ARHGAP35: variants seen among roughly 807,000 people sequenced by gnomAD.
ARHGAP35 encodes rho GTPase-activating protein 35.
ARHGAP35 carries 15 observed loss-of-function variants against 111.1 expected under a neutral mutation model. That is an observed-to-expected ratio of 0.13 (90% CI 0.09 to 0.21). The LOEUF is 0.21. ARHGAP35 is among the 10% of genes least tolerant of loss of function. The probability of loss-of-function intolerance (pLI) is 1.00; values close to 1 mark genes in which losing one functional copy is unlikely to be tolerated. For missense variants in ARHGAP35, 1,262 were observed against 1,873.0 expected, an observed-to-expected ratio of 0.67 and a Z score of 6.02; for synonymous variants, 643 against 710.3, an observed-to-expected ratio of 0.91 and a Z score of 1.51.
At chr19:46,972,954 A>G (rs1399277028) in intron 3 of ARHGAP35, among the ~76,000 whole-genome samples, 3 of 152,226 alleles carry the variant, frequency 2.0e-5, no homozygotes, top group African/African-American at 7.2e-5. Flanking sequence ...GGAAACAGGC[A>G]GATAGTATTC....
At chr19:46,965,463 G>GT (rs869069566) in intron 3 of ARHGAP35, among the ~76,000 whole-genome samples, 2 of 131,240 alleles carry the variant, frequency 1.5e-5, no homozygotes, top group Non-Finnish European at 3.3e-5. Context: ...TTTTTCTTGG[G>GT]TTTTTTGTTT....
chr19:47,000,825 G>A lies in ARHGAP35; in HGVS notation c.*137G>A, dbSNP rs2056744031. 1 of 1,541,316 alleles carries A rather than the reference G, an allele frequency of 6.5e-7. No homozygotes were observed. The highest frequency in any genetic ancestry group is 2.0e-5 in the Admixed American group (1 of 50,970). On this transcript the variant is annotated 3_prime_UTR_variant, in exon 7 of 7. Coordinates refer to ENST00000672722, the MANE Select transcript of ARHGAP35 (RefSeq NM_004491.5). The surrounding 1 kb of genome is among the most constrained non-coding windows in gnomAD (Gnocchi z 6.9). ...CCCATTACCTTCTCAAGACCTCAGT[G>A]GGAGCACCAGCCAATGGTACCATCG...
chr19:46,861,091 G>T lies in ARHGAP35; in HGVS notation c.-307G>T, dbSNP rs1291068040. 6.6e-6 allele frequency among the ~76,000 whole-genome samples: 1 copy of T among 150,902 alleles called. No individual in the cohort carries two copies. Among genetic ancestry groups the T allele is most frequent in the Non-Finnish European group, 1.5e-5 (1 of 67,442 alleles). On this transcript the variant is annotated 5_prime_UTR_variant, in exon 1 of 7. Transcript: ENST00000672722. ...AGGGTCCGCCCGGCCCCCCGCCGCC[G>T]GAGCCGCCGCCGCCGCCTCAGCCGC... is the stretch of plus-strand genomic sequence containing the variant.
intron 1 of ARHGAP35, among the ~76,000 whole-genome samples, chr19:46,904,802 T>C (rs1269205775): frequency 6.6e-6 from 1 of 152,192 alleles, no homozygotes; most frequent in Non-Finnish European, 1.5e-5. Flanking sequence ...CCATTCTTGC[T>C]CAGAAGCCTG....
rs2056082282 is a variant in ARHGAP35, at chr19:46,901,268, T to C, written c.-188-17220T>C. Among the ~76,000 whole-genome samples the C allele has an allele frequency of 6.6e-6, 1 of 151,974 alleles. No individual in the cohort carries two copies. Among genetic ancestry groups the C allele is most frequent in the Admixed American group, 6.6e-5 (1 of 15,260 alleles). ...GGAATAAGAATTTGAGGGTTTAATA[T>C]AAGAGCAGGCCAGGCATAGTGGCTC... is the stretch of plus-strand genomic sequence containing the variant. On this transcript the variant is annotated intron_variant, in intron 1 of 6. Transcript: ENST00000672722. The surrounding 1 kb of genome is among the most constrained non-coding windows in gnomAD (Gnocchi z 4.5).
chr19:46,896,623 T>C (rs2056058081), intron 1 of ARHGAP35, among the ~76,000 whole-genome samples: 1 of 152,160 alleles, frequency 6.6e-6, no homozygotes, highest in African/African-American at 2.4e-5. Flanking sequence ...TTTGCAGCAG[T>C]GCAGTATTGG....
At position 46,989,365 on chromosome 19, in the gene ARHGAP35, C is replaced by T. The variant is rs867163924; in HGVS notation, c.3905-179C>T. On this transcript the variant is annotated intron_variant, in intron 4 of 6. Coordinates refer to ENST00000672722, the MANE Select transcript of ARHGAP35 (RefSeq NM_004491.5). The surrounding 1 kb of genome is among the most constrained non-coding windows in gnomAD (Gnocchi z 5.3). ...TCGGAAAGAGGTGCTGGGGCCAGCCCATGCCTGAACCTCAGAACTCGCGTT... is the reference window on the plus strand; with the variant it reads ...TCGGAAAGAGGTGCTGGGGCCAGCCTATGCCTGAACCTCAGAACTCGCGTT... 55 of 712,064 alleles carry T rather than the reference C, an allele frequency of 7.7e-5. No individual in the cohort carries two copies. Among genetic ancestry groups the T allele is most frequent in the African/African-American group, 2.1e-4 (12 of 55,910 alleles). The allele number at this position is 712,064 out of a possible 1,614,324, so 44.1% of individuals were successfully genotyped here.
chr19:46,908,830 G>T lies in ARHGAP35; in HGVS notation c.-188-9658G>T, dbSNP rs1303622022. On this transcript the variant is annotated intron_variant, in intron 1 of 6. Transcript: ENST00000672722. This position sits in a 1 kb window ranked among gnomAD's most constrained non-coding sequence, Gnocchi z 4.2. ...GGGCTACTTGCTGTATTTAGTGTGG[G>T]CTGCTAGGATGGTAAGGTAGCAACA... Among the ~76,000 whole-genome samples, 1 of 152,156 alleles carries T rather than the reference G, an allele frequency of 6.6e-6. No homozygotes were observed. The highest frequency in any genetic ancestry group is 2.4e-5 in the African/African-American group (1 of 41,420).
intron 1 of ARHGAP35, among the ~76,000 whole-genome samples, chr19:46,870,866 C>G (rs962691358): frequency 1.3e-5 from 2 of 152,110 alleles, no homozygotes; most frequent in African/African-American, 2.4e-5. Context: ...AAGGTATAAT[C>G]TACATGTAGA....
At chr19:46,906,320 CAG>C (rs1330800162) in intron 1 of ARHGAP35, among the ~76,000 whole-genome samples, 2 of 152,038 alleles carry the variant, frequency 1.3e-5, no homozygotes, top group African/African-American at 2.4e-5. Flanking sequence ...TAAAAATAAA[CAG>C]AAACAGATCA....
chr19:46,989,399 C>A lies in ARHGAP35; in HGVS notation c.3905-145C>A. On this transcript the variant is annotated intron_variant, in intron 4 of 6. Coordinates refer to ENST00000672722, the MANE Select transcript of ARHGAP35 (RefSeq NM_004491.5). The surrounding 1 kb of genome is among the most constrained non-coding windows in gnomAD (Gnocchi z 5.3). ...ACCTCAGAACTCGCGTTAGCGCTCA[C>A]AAGTCCCACCCCTCCAATCCTTGCC... The A allele has an allele frequency of 9.3e-7, 1 of 1,080,674 alleles. No homozygotes were observed. The highest frequency in any genetic ancestry group is 1.3e-6 in the Non-Finnish European group (1 of 767,212). The allele number at this position is 1,080,674 out of a possible 1,614,324, so 66.9% of individuals were successfully genotyped here.
chr19:46,932,116 T>C (rs1032060599), intron 2 of ARHGAP35, among the ~76,000 whole-genome samples: 3 of 152,088 alleles, frequency 2.0e-5, no homozygotes, highest in Non-Finnish European at 2.9e-5. Flanking sequence ...ATCCCGTCTT[T>C]ACTAAAAATA....
chr19:46,995,083 C>T (rs1352138480), intron 5 of ARHGAP35, among the ~76,000 whole-genome samples: 2 of 152,142 alleles, frequency 1.3e-5, no homozygotes, highest in Non-Finnish European at 2.9e-5. Flanking sequence ...GGTGCCTCCC[C>T]CAGTCCTGAG....
intron 1 of ARHGAP35, among the ~76,000 whole-genome samples, chr19:46,886,389 G>A (rs987540641): frequency 6.6e-6 from 1 of 151,864 alleles, no homozygotes; most frequent in East Asian, 1.9e-4. Flanking sequence ...CCGTAAGGGA[G>A]GTTTTTTTTT....
At chr19:46,936,069 GTGAGACCCTCA>G (rs777448976) in intron 2 of ARHGAP35, among the ~76,000 whole-genome samples, 2 of 152,126 alleles carry the variant, frequency 1.3e-5, no homozygotes, top group African/African-American at 4.8e-5. Context: ...GGGCAACATA[GTGAGACCCTCA>G]TCTCTACAGA....
chr19:46,870,468 A>G lies in ARHGAP35; in HGVS notation c.-189+9259A>G, dbSNP rs956167564. ...GTGGCGGGCGCCTGTAGTCCCAGCT[A>G]CTCAGGAGGCTGAGGTAGGAGAATG... is the stretch of plus-strand genomic sequence containing the variant. On this transcript the variant is annotated intron_variant, in intron 1 of 6. Transcript: ENST00000672722. Among the ~76,000 whole-genome samples the G allele has an allele frequency of 4.0e-5, 6 of 151,620 alleles. No homozygotes were observed. The South Asian group carries it at 1.0e-3, about 26-fold the overall frequency.
At chr19:46,916,252 A>G (rs2056163004) in intron 1 of ARHGAP35, among the ~76,000 whole-genome samples, 1 of 152,034 alleles carries the variant, frequency 6.6e-6, no homozygotes. Flanking sequence ...CAAACTCTTA[A>G]AGTGGTTTGA....
chr19:46,982,521 G>C (rs542119712), intron 3 of ARHGAP35, among the ~76,000 whole-genome samples: 11 of 150,936 alleles, frequency 7.3e-5, no homozygotes, highest in East Asian at 1.9e-4. Context: ...GCTTGTTTTC[G>C]TATAAAAAGC....
Position 46,999,498 on chromosome 19 carries a change from C to A in ARHGAP35, c.4142+89C>A. 1.1e-6 allele frequency: 1 copy of A among 882,378 alleles called. No individual in the cohort carries two copies. Among genetic ancestry groups the A allele is most frequent in the South Asian group, 1.6e-5 (1 of 62,266 alleles). 54.7% of individuals were successfully genotyped at this position (882,378 alleles called of 1,614,324 possible). Reference sequence around the variant, plus strand: ...CGCAGAACAAGGCTCTGTCCACAAGCCAGTAGAAGCCTCAGGCCCTGGCCT... The same window carrying A: ...CGCAGAACAAGGCTCTGTCCACAAGACAGTAGAAGCCTCAGGCCCTGGCCT... On this transcript the variant is annotated intron_variant, in intron 6 of 6. Coordinates refer to ENST00000672722, the MANE Select transcript of ARHGAP35 (RefSeq NM_004491.5). This position sits in a 1 kb window ranked among gnomAD's most constrained non-coding sequence, Gnocchi z 5.4.
Sources: gnomAD v4.1 joint callset for allele counts (sites outside exome capture counted in the v4.1 genomes callset) on GRCh38, gnomAD v4.1.1 for gene constraint, Gnocchi (gnomAD v3.1) non-coding constraint, MANE v1.5 for transcripts, NCBI Gene and HGNC (gene_info 2026-07-23, HGNC 2026-07-21) for gene names.